Variants in KIF16B observed in about 807,000 individuals in gnomAD.
The protein encoded by KIF16B is kinesin-like protein KIF16B.
Under a neutral mutation model 156.3 loss-of-function variants are expected in KIF16B, and 98 were observed. The ratio of observed to expected loss-of-function variants is 0.63; its 90% confidence interval spans 0.53 to 0.74. The LOEUF (loss-of-function observed/expected upper bound fraction) is 0.74, where lower values mean the gene tolerates loss of function less well. Ranked by LOEUF, KIF16B falls within the 30% of genes least tolerant of loss-of-function variation. KIF16B has a pLI of 0.00. For synonymous variants in KIF16B, 564 were observed against 583.7 expected (o/e 0.97, Z 0.49); for missense variants, 1,421 against 1,606.5 (o/e 0.88, Z 1.97).
chr20:16,432,282 G>T (rs1180021503), intron 12 of KIF16B, among the ~76,000 whole-genome samples: 1 of 152,092 alleles, frequency 6.6e-6, no homozygotes, highest in East Asian at 1.9e-4. Context: ...GCATGACATT[G>T]TGCTCCATGA....
At chr20:16,378,663 T>G (rs1047939347) in intron 19 of KIF16B, 142 bp downstream of exon 19, 3 of 814,204 alleles carry the variant, frequency 3.7e-6, no homozygotes, top group Non-Finnish European at 5.7e-6. Flanking sequence ...CTGGCAAATA[T>G]AAGCATTTGC....
chr20:16,369,635 T>C (rs1018277497), intron 22 of KIF16B, among the ~76,000 whole-genome samples: 2 of 152,206 alleles, frequency 1.3e-5, no homozygotes, highest in African/African-American at 4.8e-5. Context: ...TCCATGATCA[T>C]ATGTCCAAAA....
At chr20:16,420,750 T>C (rs1600350907) in intron 15 of KIF16B, among the ~76,000 whole-genome samples, 1 of 152,044 alleles carries the variant, frequency 6.6e-6, no homozygotes, top group African/African-American at 2.4e-5. Context: ...CCAAATACAG[T>C]GAGGTCCATT....
intron 25 of KIF16B, among the ~76,000 whole-genome samples, chr20:16,292,417 TC>T (rs2122498464): frequency 6.6e-6 from 1 of 152,190 alleles, no homozygotes; most frequent in East Asian, 1.9e-4. Context: ...AAAAGTGTTG[TC>T]AGGGGAAAAA....
At chr20:16,437,897 C>T (rs1217252191) in intron 12 of KIF16B, among the ~76,000 whole-genome samples, 1 of 151,244 alleles carries the variant, frequency 6.6e-6, no homozygotes, top group Non-Finnish European at 1.5e-5. Flanking sequence ...CTTTGGGAGG[C>T]TGAGATGGGC....
chr20:16,362,643 T>C (rs1406468269), intron 22 of KIF16B, among the ~76,000 whole-genome samples: 2 of 152,214 alleles, frequency 1.3e-5, no homozygotes, highest in African/African-American at 4.8e-5. Flanking sequence ...GACAAATATA[T>C]ATATTCTAGA....
At chr20:16,483,655 A>G (rs1203048867) in intron 12 of KIF16B, among the ~76,000 whole-genome samples, 2 of 152,126 alleles carry the variant, frequency 1.3e-5, no homozygotes, top group Non-Finnish European at 2.9e-5. Context: ...AGGAACTACT[A>G]TTGTTGGCAT....
intron 25 of KIF16B, among the ~76,000 whole-genome samples, chr20:16,295,602 A>G (rs1475729011): frequency 6.6e-6 from 1 of 151,690 alleles, no homozygotes; most frequent in Admixed American, 6.6e-5. Flanking sequence ...ATCATTATAC[A>G]TCTCTTCTCC....
chr20:16,549,396 T>C (rs992946380), intron 1 of KIF16B, among the ~76,000 whole-genome samples: 3 of 152,010 alleles, frequency 2.0e-5, no homozygotes, highest in South Asian at 2.1e-4. Context: ...CTGCATAGTA[T>C]CCCATGGTGT....
chr20:16,507,280 C>T (rs2068812792), intron 7 of KIF16B, among the ~76,000 whole-genome samples: 1 of 152,028 alleles, frequency 6.6e-6, no homozygotes, highest in African/African-American at 2.4e-5. Flanking sequence ...GCTCTTTGAT[C>T]TCCCTCATTA....
chr20:16,367,481 C>T, intron 22 of KIF16B: 2 of 1,612,864 alleles, frequency 1.2e-6, no homozygotes, highest in Non-Finnish European at 1.7e-6. Context: ...GGATAAAAAA[C>T]ACAGTCTTCC....
chr20:16,369,022 T>A, intron 22 of KIF16B: 1 of 985,862 alleles, frequency 1.0e-6, no homozygotes, highest in Non-Finnish European at 1.2e-6. Flanking sequence ...ATGCTCAGGA[T>A]GACCATATTT....
At chr20:16,469,677 T>C (rs971100289) in intron 12 of KIF16B, among the ~76,000 whole-genome samples, 1 of 151,880 alleles carries the variant, frequency 6.6e-6, no homozygotes, top group Non-Finnish European at 1.5e-5. Context: ...ACAACACAAA[T>C]GCTGACAAAA....
chr20:16,456,350 T>A (rs973471826), intron 12 of KIF16B, among the ~76,000 whole-genome samples: 1 of 152,188 alleles, frequency 6.6e-6, no homozygotes, highest in Non-Finnish European at 1.5e-5. Context: ...TGCAATAGAT[T>A]GCTTTTTTCT....
At chr20:16,476,915 C>T (rs1334026144) in intron 12 of KIF16B, among the ~76,000 whole-genome samples, 2 of 152,010 alleles carry the variant, frequency 1.3e-5, no homozygotes, top group Admixed American at 1.3e-4. Context: ...CGTGCCACCA[C>T]ACCATGTATT....
At chr20:16,476,742 G>A (rs1457012326) in intron 12 of KIF16B, among the ~76,000 whole-genome samples, 1 of 152,072 alleles carries the variant, frequency 6.6e-6, no homozygotes, top group Non-Finnish European at 1.5e-5. Flanking sequence ...GACAACAAAG[G>A]TGTTTGAATA....
intron 9 of KIF16B, among the ~76,000 whole-genome samples, 179 bp downstream of exon 9, chr20:16,505,543 G>A (rs1269218027): frequency 6.6e-6 from 1 of 152,188 alleles, no homozygotes; most frequent in Non-Finnish European, 1.5e-5. Flanking sequence ...AGTTAATGAT[G>A]ATACTATAGA....
chr20:16,440,422 A>T (rs760414143), intron 12 of KIF16B, among the ~76,000 whole-genome samples: 1 of 152,138 alleles, frequency 6.6e-6, no homozygotes, highest in Non-Finnish European at 1.5e-5. Context: ...CACATCAGAC[A>T]GGCACCTATG....
rs1183357330 is a variant in KIF16B, at chr20:16,382,096, A to G, written c.1785-349T>C. 2.2e-6 allele frequency: 3 copies of G among 1,352,644 alleles called. No homozygotes were observed. In the African/African-American group the frequency reaches 4.4e-5, roughly 20 times the overall value. The allele number at this position is 1,352,644 out of a possible 1,614,324, so 83.8% of individuals were successfully genotyped here. A position where few individuals can be genotyped will look rare whatever the true frequency, so the allele number is the denominator to read the frequency against. Reference sequence around the variant, plus strand: ...GAGTATATAAAAATGGAGAATCTCTACCTTAGACAGATGGGTCCTTTTATA... The same window carrying G: ...GAGTATATAAAAATGGAGAATCTCTGCCTTAGACAGATGGGTCCTTTTATA... On this transcript the variant is annotated intron_variant, in intron 17 of 25. Coordinates refer to ENST00000354981, the MANE Select transcript of KIF16B (RefSeq NM_024704.5).
Sources: allele counts gnomAD v4.1 joint callset (sites outside exome capture counted in the v4.1 genomes callset), GRCh38; gene constraint gnomAD v4.1.1; transcripts MANE v1.5; gene names NCBI Gene and HGNC (gene_info 2026-07-23, HGNC 2026-07-21).